The following STK3 variants were observed in gnomAD, a reference collection of about 807,000 sequenced individuals.
STK3 encodes the protein serine/threonine kinase 3.
A neutral mutation model predicts 58.0 loss-of-function variants in STK3; 41 were observed. That is an observed-to-expected ratio of 0.71 (90% confidence interval 0.55 to 0.92). The LOEUF is 0.92. Among genes scored for constraint, STK3 ranks in the 40% least tolerant of loss-of-function variants. The pLI is 0.00. For synonymous variants in STK3, 170 were observed against 191.0 expected (o/e 0.89, Z 0.91); for missense variants, 479 against 602.7 (o/e 0.79, Z 2.15).
downstream of STK3, chr8:98,882,884 A>C (rs1837850290): frequency 6.6e-6 from 1 of 152,186 alleles, no homozygotes; most frequent in Admixed American, 6.5e-5. Flanking sequence ...GGCCATTTCT[A>C]ATGCTGGTTT....
intron 1 of STK3, among the ~76,000 whole-genome samples, chr8:98,814,477 G>C (rs756401269): frequency 1.3e-5 from 2 of 151,662 alleles, no homozygotes; most frequent in Non-Finnish European, 2.9e-5. Flanking sequence ...CAAGTCACTG[G>C]GACAAAGGCA....
At chr8:98,361,102 G>C in the STK3 span, among the ~76,000 whole-genome samples, 14 of 152,092 alleles carry the variant, frequency 9.2e-5, no homozygotes, top group African/African-American at 3.4e-4. Flanking sequence ...ATAAACTAAG[G>C]TATTAGATTA....
intron 6 of STK3, among the ~76,000 whole-genome samples, chr8:98,700,861 G>A (rs1357602647): frequency 6.6e-6 from 1 of 152,092 alleles, no homozygotes; most frequent in African/African-American, 2.4e-5. Flanking sequence ...AACACAAAGG[G>A]TTTTTACAGG....
chr8:98,707,187 T>C lies in STK3; in HGVS notation c.476A>G (p.His159Arg), dbSNP rs753429894. ...CACTCCAAAATCTGCCAATTTTGCA[T>C]GTCCTTCTGTATTGAGGAGAATATT... The part of the protein sequence containing the change: ...AGNILLNTEG[H>R]AKLADFGVAG... Residue 159 changes from histidine (H) to arginine (R), a missense_variant, in exon 5 of 11, where the codon CAT becomes CGT. This residue lies in a region of STK3 where 126 missense variants were observed against 210.1 expected (regional missense o/e 0.60). Coordinates refer to ENST00000419617, the MANE Select transcript of STK3 (RefSeq NM_006281.4). 3.9e-5 allele frequency: 62 copies of C among 1,608,938 alleles called. No individual in the cohort carries two copies. Among genetic ancestry groups the C allele is most frequent in the Non-Finnish European group, 4.7e-5 (55 of 1,178,914 alleles).
intron 6 of STK3, among the ~76,000 whole-genome samples, chr8:98,650,355 G>A (rs949226839): frequency 6.6e-6 from 1 of 152,146 alleles, no homozygotes; most frequent in Admixed American, 6.6e-5. Flanking sequence ...TGGCCCGGAG[G>A]GCAGCCAAGA....
At chr8:98,877,734 C>T (rs1044148713) in intron 3 of STK3, among the ~76,000 whole-genome samples, 52 of 152,042 alleles carry the variant, frequency 3.4e-4, no homozygotes, top group African/African-American at 1.2e-3. Flanking sequence ...CTGCCCACCT[C>T]GGCCTCCCAA....
intron 1 of STK3, among the ~76,000 whole-genome samples, chr8:98,900,863 T>C (rs1838630457): frequency 6.6e-6 from 1 of 151,944 alleles, no homozygotes; most frequent in South Asian, 2.1e-4. Context: ...GATTTCAGCA[T>C]GTTGGCCAAG....
At position 98,800,856 on chromosome 8, in the gene STK3, T is replaced by A. The variant is rs1385607257; in HGVS notation, c.26+24659A>T. On this transcript the variant is annotated intron_variant, in intron 1 of 10. Transcript: ENST00000419617. The surrounding 1 kb of genome is among the most constrained non-coding windows in gnomAD (Gnocchi z 4.8). Reference sequence around the variant, plus strand: ...AGGGCTCAGGACCTGCAGCCCCCCATGCCAGAGCCCCCCCCACCAAGGTGG... The same window carrying A: ...AGGGCTCAGGACCTGCAGCCCCCCAAGCCAGAGCCCCCCCCACCAAGGTGG... Among the ~76,000 whole-genome samples the A allele has an allele frequency of 1.3e-5, 2 of 152,164 alleles. No individual in the cohort carries two copies. The highest frequency in any genetic ancestry group is 1.3e-4 in the Admixed American group (2 of 15,288).
chr8:98,358,523 G>A, the STK3 span, among the ~76,000 whole-genome samples: 1 of 152,112 alleles, frequency 6.6e-6, no homozygotes, highest in South Asian at 2.1e-4. Flanking sequence ...TGACTTCTTT[G>A]AGGAATCTAT....
intron 6 of STK3, among the ~76,000 whole-genome samples, chr8:98,628,907 G>A (rs1183861448): frequency 6.6e-6 from 1 of 151,642 alleles, no homozygotes; most frequent in East Asian, 1.9e-4. Flanking sequence ...AAGGCAACAG[G>A]TTTGGAAAAC....
chr8:98,801,807 G>A (rs1285726344), intron 1 of STK3, among the ~76,000 whole-genome samples: 3 of 150,798 alleles, frequency 2.0e-5, no homozygotes, highest in Non-Finnish European at 3.0e-5. Flanking sequence ...TTTTTTCAGT[G>A]ACATCCAAAT....
intron 3 of STK3, among the ~76,000 whole-genome samples, chr8:98,835,522 C>CAT (rs893659197): frequency 2.6e-5 from 4 of 152,188 alleles, no homozygotes; most frequent in African/African-American, 4.8e-5. Context: ...GCCTTTGGTT[C>CAT]CTGCAGTGCA....
At chr8:98,580,281 A>T (rs572101447) in intron 7 of STK3, among the ~76,000 whole-genome samples, 2 of 152,296 alleles carry the variant, frequency 1.3e-5, no homozygotes, top group South Asian at 4.1e-4. Flanking sequence ...AATTTAACCA[A>T]GACAAAAATA....
intron 1 of STK3, among the ~76,000 whole-genome samples, chr8:98,914,539 A>G (rs1192763882): frequency 6.6e-6 from 1 of 151,700 alleles, no homozygotes; most frequent in South Asian, 2.1e-4. Flanking sequence ...GCTTGAAATT[A>G]TTTCAGTTGT....
intron 6 of STK3, among the ~76,000 whole-genome samples, chr8:98,680,642 T>C (rs888549382): frequency 6.6e-6 from 1 of 152,178 alleles, no homozygotes; most frequent in East Asian, 1.9e-4. Context: ...GGATCTATAC[T>C]AGAAAGTAGA....
At chr8:98,919,488 G>T (rs537633124) in intron 1 of STK3, among the ~76,000 whole-genome samples, 21 of 152,138 alleles carry the variant, frequency 1.4e-4, no homozygotes, top group Admixed American at 8.5e-4. Flanking sequence ...GGTTGCCTAG[G>T]GGGGATTGAC....
intron 6 of STK3, among the ~76,000 whole-genome samples, chr8:98,660,096 A>G (rs1243951996): frequency 1.3e-5 from 2 of 152,128 alleles, no homozygotes; most frequent in African/African-American, 4.8e-5. Context: ...AGCCTTAAAA[A>G]GGAAGAAAAT....
chr8:98,769,470 T>C (rs1048734595), intron 2 of STK3, among the ~76,000 whole-genome samples: 2 of 152,232 alleles, frequency 1.3e-5, no homozygotes, highest in African/African-American at 2.4e-5. Context: ...CTGATCTTCC[T>C]TGCCTTCCAC....
intron 3 of STK3, among the ~76,000 whole-genome samples, chr8:98,765,941 C>G (rs190842542): frequency 6.6e-6 from 1 of 152,226 alleles, no homozygotes; most frequent in African/African-American, 2.4e-5. Context: ...AACTATCCAA[C>G]CTCATTTCAT....
Sources: gnomAD v4.1 joint callset for allele counts (sites outside exome capture counted in the v4.1 genomes callset) on GRCh38, gnomAD v4.1.1 for gene constraint, gnomAD v4.1.1 regional missense constraint, Gnocchi (gnomAD v3.1) non-coding constraint, MANE v1.5 for transcripts, NCBI Gene and HGNC (gene_info 2026-07-23, HGNC 2026-07-21) for gene names.